Variants in ADTRP observed in about 807,000 individuals in gnomAD.
ADTRP encodes the protein androgen dependent TFPI regulating protein, also known as androgen-dependent TFPI-regulating protein.
ADTRP carries 20 observed loss-of-function variants against 27.0 expected under a neutral mutation model. That is an observed-to-expected ratio of 0.74 (90% CI 0.52 to 1.08). The LOEUF (loss-of-function observed/expected upper bound fraction) is 1.08, where lower values mean the gene tolerates loss of function less well. Among genes scored for constraint, ADTRP ranks in the 50% least tolerant of loss-of-function variants. ADTRP has a pLI of 0.00. For synonymous variants in ADTRP, 101 were observed against 105.2 expected (o/e 0.96, Z 0.25); for missense variants, 251 against 275.0 (o/e 0.91, Z 0.62).
intron 3 of ADTRP, among the ~76,000 whole-genome samples, chr6:11,764,894 TAAAA>T (rs34204085): frequency 0.22 from 26,841 of 122,250 alleles, 3,122 homozygotes; most frequent in East Asian, 0.52. Flanking sequence ...TACCATTTCT[TAAAA>T]AAAAAAAAAA....
chr6:11,776,237 C>G (rs1320209550), intron 1 of ADTRP, among the ~76,000 whole-genome samples: 1 of 152,190 alleles, frequency 6.6e-6, no homozygotes, highest in African/African-American at 2.4e-5. Context: ...CACAGGCAAG[C>G]CCCTCTCAGC....
At chr6:11,758,586 G>GGGA (rs1554114773) in intron 3 of ADTRP, among the ~76,000 whole-genome samples, 2 of 117,214 alleles carry the variant, frequency 1.7e-5, no homozygotes, top group South Asian at 3.7e-4. Context: ...GGGGGGGGGG[G>GGGA]ACGGATAGCA....
chr6:11,715,824 T>G (rs1761803666), intron 5 of ADTRP, among the ~76,000 whole-genome samples: 2 of 140,158 alleles, frequency 1.4e-5, no homozygotes, highest in Non-Finnish European at 3.1e-5. Context: ...TTTTTTTTTT[T>G]TTTTTTTTTT....
intron 5 of ADTRP, among the ~76,000 whole-genome samples, chr6:11,715,831 T>TGG (rs1761805275): frequency 7.7e-6 from 1 of 129,112 alleles, no homozygotes; most frequent in Non-Finnish European, 1.7e-5. Flanking sequence ...TTTTTTTTTT[T>TGG]TTTTTTTTGC....
chr6:11,777,430 C>A (rs1462900810), intron 1 of ADTRP, among the ~76,000 whole-genome samples: 1 of 151,738 alleles, frequency 6.6e-6, no homozygotes, highest in Non-Finnish European at 1.5e-5. Context: ...TCATAGAAAG[C>A]CAATAGAGAC....
chr6:11,746,717 C>G (rs1762877055), intron 3 of ADTRP, among the ~76,000 whole-genome samples: 1 of 152,170 alleles, frequency 6.6e-6, no homozygotes, highest in South Asian at 2.1e-4. Flanking sequence ...GAGTGGTATT[C>G]AGGCATGAGC....
At position 11,768,360 on chromosome 6, in the gene ADTRP, C is replaced by T. The variant is rs531232448; in HGVS notation, c.177G>A (p.Gly59=). ...TCAGCACATCATCCAGGCAGGTGAC[C>T]CCGTAGAAAATGGTCTGCAAGAGCT... ...LNLLLQTIFY[G]VTCLDDVLKR... Residue 59 remains glycine, a synonymous_variant, in exon 2 of 6, where the codon GGG becomes GGA. Transcript: ENST00000414691. The T allele has an allele frequency of 3.1e-6, 5 of 1,613,982 alleles. No individual in the cohort carries two copies. The African/African-American group carries it at 5.3e-5, about 17-fold the overall frequency.
intron 4 of ADTRP, among the ~76,000 whole-genome samples, chr6:11,728,017 T>A (rs72819641): frequency 0.46 from 67,047 of 145,512 alleles, 17,449 homozygotes; most frequent in Non-Finnish European, 0.59. Flanking sequence ...GAACTTTGCA[T>A]TCAACATGTC....
intron 4 of ADTRP, among the ~76,000 whole-genome samples, chr6:11,732,882 C>G (rs535659142): frequency 6.6e-6 from 1 of 152,314 alleles, no homozygotes; most frequent in East Asian, 1.9e-4. Flanking sequence ...GCATGCCCAT[C>G]CATCCAGCAT....
At chr6:11,737,860 G>C (rs1057033380) in intron 3 of ADTRP, among the ~76,000 whole-genome samples, 2 of 152,134 alleles carry the variant, frequency 1.3e-5, no homozygotes, top group African/African-American at 2.4e-5. Context: ...AGACTCCCAG[G>C]CCCCCGTCGC....
intron 5 of ADTRP, among the ~76,000 whole-genome samples, chr6:11,718,365 A>G (rs1294017450): frequency 6.6e-6 from 1 of 152,178 alleles, no homozygotes; most frequent in Non-Finnish European, 1.5e-5. Flanking sequence ...TCTGTGCCCC[A>G]TATCTCTTGT....
chr6:11,778,776 G>A lies in ADTRP; in HGVS notation c.-17C>T, dbSNP rs757932884. On this transcript the variant is annotated 5_prime_UTR_variant, in exon 1 of 6. Transcript: ENST00000414691. ...CTTCGTCATGGCGAGTGCTGACCGG[G>A]GCACCGTGAATGTCTTGAGTACTTT... The A allele has an allele frequency of 6.2e-7, 1 of 1,611,408 alleles. No individual in the cohort carries two copies. The highest frequency in any genetic ancestry group is 1.7e-5 in the Admixed American group (1 of 59,852).
In ADTRP at chr6:11,714,301, C is replaced by A; in HGVS notation, c.*177G>T. ...ATGTGCAGTCAACCTTTCAAAAAAC[C>A]AAGAGTTCTCAAGTTAAGCTACCTT... On this transcript the variant is annotated 3_prime_UTR_variant, in exon 6 of 6. Coordinates refer to ENST00000414691, the MANE Select transcript of ADTRP (RefSeq NM_032744.4). 3.0e-6 allele frequency: 2 copies of A among 669,928 alleles called. No homozygotes were observed. The highest frequency in any genetic ancestry group is 3.0e-5 in the East Asian group (1 of 33,676). 41.5% of individuals were successfully genotyped at this position (669,928 alleles called of 1,614,324 possible).
intron 1 of ADTRP, among the ~76,000 whole-genome samples, chr6:11,771,846 C>A (rs552006119): frequency 5.9e-5 from 9 of 152,254 alleles, no homozygotes; most frequent in African/African-American, 1.4e-4. Context: ...CACGTGAGGG[C>A]ACAGGGAGAA....
intron 3 of ADTRP, among the ~76,000 whole-genome samples, chr6:11,738,851 T>C (rs1762623843): frequency 3.3e-5 from 5 of 152,180 alleles, no homozygotes. Context: ...TCATCCTAGC[T>C]AAAAGGTCTT....
At chr6:11,725,009 G>A (rs1325124842) in intron 4 of ADTRP, among the ~76,000 whole-genome samples, 2 of 152,190 alleles carry the variant, frequency 1.3e-5, no homozygotes, top group African/African-American at 4.8e-5. Context: ...AATATCCCAC[G>A]TTGTCAAAGG....
rs571721689 is a variant in ADTRP, at chr6:11,753,497, G to T, written c.390+12777C>A. On this transcript the variant is annotated intron_variant, in intron 3 of 5. Transcript: ENST00000414691. Reference sequence around the variant, plus strand: ...AATATTCAACAAATATTTCTGAAGTGCCTTTTTTTGCCACACTTACAATTT... The same window carrying T: ...AATATTCAACAAATATTTCTGAAGTTCCTTTTTTTGCCACACTTACAATTT... Among the ~76,000 whole-genome samples the T allele has an allele frequency of 2.6e-5, 4 of 152,258 alleles. No homozygotes were observed. In the South Asian group the frequency reaches 8.3e-4, roughly 32 times the overall value.
intron 3 of ADTRP, among the ~76,000 whole-genome samples, chr6:11,753,507 G>C (rs971229313): frequency 3.3e-5 from 5 of 151,772 alleles, no homozygotes; most frequent in African/African-American, 1.2e-4. Flanking sequence ...GCCTTTTTTT[G>C]CCACACTTAC....
At position 11,778,605 on chromosome 6, in the gene ADTRP, A is replaced by G. The variant is rs1454312318; in HGVS notation, c.153+2T>C. 1.4e-5 allele frequency: 23 copies of G among 1,613,996 alleles called. No homozygotes were observed. The highest frequency in any genetic ancestry group is 1.9e-5 in the Non-Finnish European group (22 of 1,179,992). The stretch of plus-strand genomic sequence containing the variant: ...GTTCCTGGTACGGACATATGGACTT[A>G]CCAGATTAAGCAGCGTCATATATTT... On this transcript the variant is annotated splice_donor_variant, in intron 1 of 5. Transcript: ENST00000414691. LOFTEE classifies it high-confidence loss of function.
Sources: gnomAD v4.1 joint callset for allele counts (sites outside exome capture counted in the v4.1 genomes callset) on GRCh38, gnomAD v4.1.1 for gene constraint, MANE v1.5 for transcripts, NCBI Gene and HGNC (gene_info 2026-07-23, HGNC 2026-07-21) for gene names.